Variants in CAMK2B observed in about 807,000 individuals in gnomAD.
The protein encoded by CAMK2B is calcium/calmodulin dependent protein kinase II beta.
Under a neutral mutation model 93.7 loss-of-function variants are expected in CAMK2B, and 27 were observed. The observed-to-expected ratio is 0.29, with a 90% confidence interval of 0.21 to 0.40. The LOEUF is 0.40. Ranked by LOEUF, CAMK2B falls within the 10% of genes least tolerant of loss-of-function variation. The pLI, the probability that CAMK2B is intolerant of heterozygous loss-of-function variation, is 1.00. For synonymous variants in CAMK2B, 374 were observed against 358.8 expected (o/e 1.04, Z -0.48); for missense variants, 568 against 895.8 (o/e 0.63, Z 4.67).
At chr7:44,323,568 G>T (rs778050524) in intron 1 of CAMK2B, among the ~76,000 whole-genome samples, 1 of 152,222 alleles carries the variant, frequency 6.6e-6, no homozygotes, top group Non-Finnish European at 1.5e-5. Context: ...GCCGCTGGAC[G>T]CAGGGAGGCT....
chr7:44,232,009 A>G (rs1182864298), intron 16 of CAMK2B, among the ~76,000 whole-genome samples: 3 of 152,110 alleles, frequency 2.0e-5, no homozygotes, highest in Non-Finnish European at 4.4e-5. Flanking sequence ...AGCATGACCC[A>G]CCCCAGACAC....
chr7:44,289,006 A>G (rs925986165), intron 1 of CAMK2B, among the ~76,000 whole-genome samples: 1 of 152,094 alleles, frequency 6.6e-6, no homozygotes, highest in African/African-American at 2.4e-5. Context: ...TGTCTGCAGG[A>G]TGCCCCATCC....
intron 16 of CAMK2B, among the ~76,000 whole-genome samples, chr7:44,232,487 G>C (rs994346786): frequency 6.6e-6 from 1 of 152,140 alleles, no homozygotes; most frequent in Non-Finnish European, 1.5e-5. Flanking sequence ...GGAGGGCCAA[G>C]GATGCAGCTC....
chr7:44,232,267 G>C (rs1252020708), intron 16 of CAMK2B, among the ~76,000 whole-genome samples: 1 of 152,152 alleles, frequency 6.6e-6, no homozygotes, highest in Non-Finnish European at 1.5e-5. Flanking sequence ...TGGGTGTAGT[G>C]GCGCTGTTTT....
intron 22 of CAMK2B, 84 bp downstream of exon 22, chr7:44,220,531 CA>C: frequency 8.4e-7 from 1 of 1,189,034 alleles, no homozygotes; most frequent in South Asian, 1.5e-5. Flanking sequence ...CTTCCATAGG[CA>C]GCCACCATGC....
intron 3 of CAMK2B, among the ~76,000 whole-genome samples, chr7:44,260,628 T>C (rs1037973797): frequency 1.3e-5 from 2 of 152,208 alleles, no homozygotes; most frequent in Non-Finnish European, 2.9e-5. Flanking sequence ...GTAACCTTTG[T>C]GGTGCTCTGA....
At chr7:44,274,004 C>A (rs1354404830) in intron 2 of CAMK2B, among the ~76,000 whole-genome samples, 2 of 152,184 alleles carry the variant, frequency 1.3e-5, no homozygotes, top group Non-Finnish European at 2.9e-5. Flanking sequence ...GGCCAGCAGT[C>A]CCGCACACTG....
At chr7:44,267,902 A>G (rs1030078055) in intron 2 of CAMK2B, 2 of 152,234 alleles carry the variant, frequency 1.3e-5, no homozygotes, top group African/African-American at 4.8e-5. Flanking sequence ...GCCCTCGGGG[A>G]ATGCCGAGCC....
chr7:44,251,743 A>C (rs890984247), intron 5 of CAMK2B, among the ~76,000 whole-genome samples: 2 of 152,250 alleles, frequency 1.3e-5, no homozygotes, highest in Non-Finnish European at 2.9e-5. Context: ...CAAGGACCCC[A>C]TACACCAGGG....
At chr7:44,292,146 T>C (rs989999072) in intron 1 of CAMK2B, among the ~76,000 whole-genome samples, 2 of 152,190 alleles carry the variant, frequency 1.3e-5, no homozygotes, top group Admixed American at 6.5e-5. Context: ...TGGATTCCGG[T>C]GCTGCCTGCA....
At chr7:44,285,587 T>C (rs1784828589) in intron 1 of CAMK2B, among the ~76,000 whole-genome samples, 1 of 152,116 alleles carries the variant, frequency 6.6e-6, no homozygotes, top group Non-Finnish European at 1.5e-5. Flanking sequence ...CTACAGTCCT[T>C]TGTGGAGATA....
chr7:44,304,316 AT>A (rs1790867779), intron 1 of CAMK2B, among the ~76,000 whole-genome samples: 1 of 152,236 alleles, frequency 6.6e-6, no homozygotes, highest in Non-Finnish European at 1.5e-5. Flanking sequence ...ACCTTTATTC[AT>A]GACTGTGAAA....
At chr7:44,226,429 G>A (rs960643953) in intron 20 of CAMK2B, 87 bp downstream of exon 20, 1 of 1,115,908 alleles carries the variant, frequency 9.0e-7, no homozygotes. Flanking sequence ...CCGCAAGAAT[G>A]GCCCTTCCCA....
intron 13 of CAMK2B, among the ~76,000 whole-genome samples, chr7:44,237,823 G>C (rs1337324350): frequency 6.6e-6 from 1 of 152,174 alleles, no homozygotes; most frequent in Non-Finnish European, 1.5e-5. Context: ...GTGGGACAAG[G>C]AGAGACCCTC....
intron 23 of CAMK2B, 99 bp downstream of exon 23, chr7:44,219,961 T>TA: frequency 1.2e-6 from 1 of 851,912 alleles, no homozygotes; most frequent in Non-Finnish European, 1.6e-6. Flanking sequence ...GGCATGGCTC[T>TA]GCACAGGCCC....
chr7:44,234,780 C>A, intron 13 of CAMK2B, 104 bp from the exon 14 acceptor site: 1 of 1,266,708 alleles, frequency 7.9e-7, no homozygotes. Context: ...CAGGAGCAAG[C>A]CCAGGGTCCT....
At chr7:44,294,738 A>C (rs1274692658) in intron 1 of CAMK2B, among the ~76,000 whole-genome samples, 2 of 152,082 alleles carry the variant, frequency 1.3e-5, no homozygotes, top group Non-Finnish European at 2.9e-5. Flanking sequence ...GGCCATATAT[A>C]GGCTGGTGTA....
chr7:44,255,918 AC>A (rs1311349366), intron 4 of CAMK2B, among the ~76,000 whole-genome samples: 1 of 152,226 alleles, frequency 6.6e-6, no homozygotes, highest in Non-Finnish European at 1.5e-5. Flanking sequence ...GGTGAAATGC[AC>A]TGGGAAGACA....
At chr7:44,302,342 A>G (rs916465835) in intron 1 of CAMK2B, among the ~76,000 whole-genome samples, 2 of 152,240 alleles carry the variant, frequency 1.3e-5, no homozygotes, top group African/African-American at 4.8e-5. Flanking sequence ...AATCATATCA[A>G]TTCTCTAAAA....
Sources: allele counts gnomAD v4.1 joint callset (sites outside exome capture counted in the v4.1 genomes callset), GRCh38; gene constraint gnomAD v4.1.1; transcripts MANE v1.5; gene names NCBI Gene and HGNC (gene_info 2026-07-23, HGNC 2026-07-21).